Variants in STK3 observed in about 807,000 individuals in gnomAD.
STK3 encodes serine/threonine-protein kinase 3.
In STK3, 41 loss-of-function variants were observed where a neutral mutation model predicts 58.0. The observed-to-expected ratio is 0.71, with a 90% CI of 0.55 to 0.92. The LOEUF (loss-of-function observed/expected upper bound fraction) is 0.92, where lower values mean the gene tolerates loss of function less well. Among genes scored for constraint, STK3 ranks in the 40% least tolerant of loss-of-function variants. The probability of loss-of-function intolerance (pLI) is 0.00; values close to 1 mark genes in which losing one functional copy is unlikely to be tolerated. For missense variants in STK3, 479 were observed against 602.7 expected, an observed-to-expected ratio of 0.79 and a Z score of 2.15; for synonymous variants, 170 against 191.0, an observed-to-expected ratio of 0.89 and a Z score of 0.91.
intron 6 of STK3, among the ~76,000 whole-genome samples, chr8:98,632,061 G>A (rs956962751): frequency 6.6e-6 from 1 of 152,184 alleles, no homozygotes; most frequent in African/African-American, 2.4e-5. Context: ...GCCTAAAACA[G>A]TGTCTGAGCA....
chr8:98,387,872 C>CTTTTTTTTTTT (rs1178928185), intron 1 of STK3, among the ~76,000 whole-genome samples: 22 of 144,726 alleles, frequency 1.5e-4, no homozygotes, highest in African/African-American at 5.6e-4. Flanking sequence ...TGTAAAATGC[C>CTTTTTTTTTTT]CTTTTTTTTT....
chr8:98,395,172 C>T (rs1817887131), intron 3 of STK3, among the ~76,000 whole-genome samples: 1 of 151,926 alleles, frequency 6.6e-6, no homozygotes, highest in Non-Finnish European at 1.5e-5. Flanking sequence ...CTTGGCATTG[C>T]TTGTTACTGA....
Position 98,582,581 on chromosome 8 carries a change from C to G in STK3, c.823-2792G>C, listed in dbSNP as rs139771609. 5.6e-3 allele frequency among the ~76,000 whole-genome samples: 850 copies of G among 151,984 alleles called. 5 individuals carry two copies. Among genetic ancestry groups the G allele is most frequent in the African/African-American group, 0.019 (807 of 41,430 alleles). On this transcript the variant is annotated intron_variant, in intron 7 of 10. Coordinates refer to ENST00000419617, the MANE Select transcript of STK3 (RefSeq NM_006281.4). Reference sequence around the variant, plus strand: ...AGATCTAAGTTAATCCTCCCAACACCCCCTAAAGGCAGGCAGTTATCTCAG... The same window carrying G: ...AGATCTAAGTTAATCCTCCCAACACGCCCTAAAGGCAGGCAGTTATCTCAG...
chr8:98,548,299 A>T (rs1300826965), intron 8 of STK3, 138 bp from the exon 9 acceptor site: 4 of 589,864 alleles, frequency 6.8e-6, no homozygotes, highest in Non-Finnish European at 9.9e-6. Context: ...ATAAATACAT[A>T]CATACAAATG....
At chr8:98,507,399 T>C (rs963248455) in intron 10 of STK3, among the ~76,000 whole-genome samples, 1 of 152,224 alleles carries the variant, frequency 6.6e-6, no homozygotes, top group Non-Finnish European at 1.5e-5. Flanking sequence ...CAGTCAGTTA[T>C]ACAATTTTGT....
chr8:98,938,267 C>A (rs1035254973), intron 1 of STK3, among the ~76,000 whole-genome samples: 2 of 152,058 alleles, frequency 1.3e-5, no homozygotes, highest in African/African-American at 2.4e-5. Flanking sequence ...ACTAGAAAAT[C>A]CTGGAGGGAA....
intron 3 of STK3, among the ~76,000 whole-genome samples, chr8:98,849,587 AG>A (rs1196485981): frequency 6.6e-6 from 1 of 152,236 alleles, no homozygotes. Flanking sequence ...GATGGATGCA[AG>A]GGTTCAAACT....
At chr8:98,484,739 T>C (rs1196377060) in intron 10 of STK3, among the ~76,000 whole-genome samples, 1 of 152,036 alleles carries the variant, frequency 6.6e-6, no homozygotes, top group East Asian at 1.9e-4. Flanking sequence ...GAAAATACTA[T>C]ATATAATAGA....
chr8:98,433,838 G>A (rs1818390690), intron 3 of STK3, among the ~76,000 whole-genome samples: 1 of 152,192 alleles, frequency 6.6e-6, no homozygotes, highest in Non-Finnish European at 1.5e-5. Context: ...CTTGAGCTAG[G>A]TTCTGATCCA....
chr8:98,566,089 A>G (rs1052760806), intron 8 of STK3, among the ~76,000 whole-genome samples: 2 of 152,174 alleles, frequency 1.3e-5, no homozygotes, highest in Admixed American at 6.5e-5. Flanking sequence ...AAACATGTCA[A>G]TTTGTCAAGA....
intron 6 of STK3, among the ~76,000 whole-genome samples, chr8:98,620,210 G>A (rs1337876035): frequency 5.4e-4 from 49 of 90,690 alleles, no homozygotes; most frequent in Admixed American, 1.4e-4. Flanking sequence ...GTAAACTATC[G>A]CAAGAACAAA....
At chr8:98,370,187 G>A (rs1817597104), downstream of STK3, among the ~76,000 whole-genome samples, 1 of 151,162 alleles carries the variant, frequency 6.6e-6, no homozygotes, top group Non-Finnish European at 1.5e-5. Flanking sequence ...TAGCCCCCGG[G>A]AACCCTGGGC....
At chr8:98,707,015 G>A in intron 5 of STK3, 132 bp downstream of exon 5, 1 of 951,644 alleles carries the variant, frequency 1.1e-6, no homozygotes, top group Non-Finnish European at 1.5e-6. Context: ...GCTCAATTAT[G>A]GTTCCTTCTC....
At chr8:98,587,998 A>T (rs1471158323) in intron 7 of STK3, among the ~76,000 whole-genome samples, 1 of 152,150 alleles carries the variant, frequency 6.6e-6, no homozygotes, top group Non-Finnish European at 1.5e-5. Flanking sequence ...GTGTCTCTGC[A>T]CGTGAGATGG....
intron 1 of STK3, among the ~76,000 whole-genome samples, chr8:98,932,837 G>T (rs541751725): frequency 5.9e-5 from 9 of 152,284 alleles, no homozygotes; most frequent in Admixed American, 2.6e-4. Context: ...CAATTACTCT[G>T]CTGGAATCAA....
At chr8:98,385,032 T>C (rs979300651) in intron 1 of STK3, among the ~76,000 whole-genome samples, 1 of 152,044 alleles carries the variant, frequency 6.6e-6, no homozygotes, top group Non-Finnish European at 1.5e-5. Flanking sequence ...AAGGGAGGGT[T>C]GTTAAAGGCA....
the STK3 span, among the ~76,000 whole-genome samples, chr8:98,350,487 G>T: frequency 6.6e-6 from 1 of 152,028 alleles, no homozygotes; most frequent in East Asian, 1.9e-4. Flanking sequence ...CCACATTTTC[G>T]GGTATCTTTT....
chr8:98,643,820 G>T lies in STK3; in HGVS notation c.685-47651C>A, dbSNP rs561092352. 4.6e-5 allele frequency among the ~76,000 whole-genome samples: 7 copies of T among 152,192 alleles called. No individual in the cohort carries two copies. In the South Asian group the frequency reaches 1.5e-3, roughly 32 times the overall value. On this transcript the variant is annotated intron_variant, in intron 6 of 10. Coordinates refer to ENST00000419617, the MANE Select transcript of STK3 (RefSeq NM_006281.4). ...GCCTAGAAGTTTGAGACCAGCCTGGGCAACATACTGAGACTTCACCTCTAC... is the reference window on the plus strand; with the variant it reads ...GCCTAGAAGTTTGAGACCAGCCTGGTCAACATACTGAGACTTCACCTCTAC...
At chr8:98,445,922 T>C (rs1013539478) in intron 1 of STK3, among the ~76,000 whole-genome samples, 4 of 152,098 alleles carry the variant, frequency 2.6e-5, no homozygotes, top group Non-Finnish European at 5.9e-5. Flanking sequence ...CCAACTGGTG[T>C]TAATTTATCT....
Sources: gnomAD v4.1 joint callset for allele counts (sites outside exome capture counted in the v4.1 genomes callset) on GRCh38, gnomAD v4.1.1 for gene constraint, MANE v1.5 for transcripts, NCBI Gene and HGNC (gene_info 2026-07-23, HGNC 2026-07-21) for gene names.